MAGI2: variants seen among roughly 807,000 people sequenced by gnomAD.
The protein encoded by MAGI2 is membrane associated guanylate kinase, WW and PDZ domain containing 2, also known as membrane-associated guanylate kinase, WW and PDZ domain-containing protein 2.
MAGI2 carries 35 observed loss-of-function variants against 133.3 expected under a neutral mutation model. The ratio of observed to expected loss-of-function variants is 0.26; its 90% CI spans 0.20 to 0.35. The LOEUF (loss-of-function observed/expected upper bound fraction) is 0.35. MAGI2 is among the 10% of genes least tolerant of loss of function. MAGI2 has a pLI of 1.00. For missense variants in MAGI2, 1,636 were observed against 1,863.4 expected (o/e 0.88, Z 2.25); for synonymous variants, 729 against 710.6 (o/e 1.03, Z -0.41).
At chr7:79,251,396 A>G (rs1323708931) in intron 1 of MAGI2, among the ~76,000 whole-genome samples, 1 of 152,104 alleles carries the variant, frequency 6.6e-6, no homozygotes, top group Non-Finnish European at 1.5e-5. Context: ...ATAGAAAAAA[A>G]CTCATAATCC....
chr7:78,176,791 T>A (rs766077001), intron 14 of MAGI2, among the ~76,000 whole-genome samples: 1 of 151,920 alleles, frequency 6.6e-6, no homozygotes, highest in Non-Finnish European at 1.5e-5. Flanking sequence ...GAGACTGCAG[T>A]GAGCTGTGAT....
chr7:78,073,081 T>C (rs999318767), intron 21 of MAGI2: 6 of 396,902 alleles, frequency 1.5e-5, no homozygotes, highest in Middle Eastern at 6.2e-4. Flanking sequence ...AACTTACTGA[T>C]TAAAGGAAGA....
chr7:79,364,812 A>G (rs889475003), intron 1 of MAGI2, among the ~76,000 whole-genome samples: 2 of 152,172 alleles, frequency 1.3e-5, no homozygotes, highest in East Asian at 3.9e-4. Context: ...AATATAAAAC[A>G]AAAACACTTT....
intron 10 of MAGI2, among the ~76,000 whole-genome samples, chr7:78,237,913 A>T (rs1790723156): frequency 6.6e-6 from 1 of 152,180 alleles, no homozygotes; most frequent in Non-Finnish European, 1.5e-5. Flanking sequence ...TTTTTAAAAA[A>T]TTGAGTTTAC....
At chr7:78,922,417 C>T (rs1419680364) in intron 2 of MAGI2, among the ~76,000 whole-genome samples, 1 of 151,648 alleles carries the variant, frequency 6.6e-6, no homozygotes, top group East Asian at 2.0e-4. Flanking sequence ...TGTTCAATTC[C>T]CACCTATGAG....
chr7:79,199,095 ACTAT>A (rs1347152468), intron 1 of MAGI2, among the ~76,000 whole-genome samples: 3 of 152,002 alleles, frequency 2.0e-5, no homozygotes, highest in Non-Finnish European at 2.9e-5. Context: ...AAATCCACAA[ACTAT>A]CTAATTTAAT....
At chr7:78,577,074 T>C (rs1468837602) in intron 3 of MAGI2, among the ~76,000 whole-genome samples, 1 of 152,216 alleles carries the variant, frequency 6.6e-6, no homozygotes, top group Admixed American at 6.5e-5. Flanking sequence ...TCCTCTTCTA[T>C]ACTTAACACC....
At chr7:79,248,049 T>G (rs1832948694) in intron 1 of MAGI2, among the ~76,000 whole-genome samples, 1 of 152,054 alleles carries the variant, frequency 6.6e-6, no homozygotes, top group Non-Finnish European at 1.5e-5. Flanking sequence ...AAATGAACTC[T>G]CTAATCTAAA....
chr7:78,212,666 G>A (rs975762693), intron 10 of MAGI2, among the ~76,000 whole-genome samples: 1 of 152,170 alleles, frequency 6.6e-6, no homozygotes, highest in Non-Finnish European at 1.5e-5. Flanking sequence ...TATTATGGTA[G>A]CAGTAGCAAA....
intron 2 of MAGI2, among the ~76,000 whole-genome samples, chr7:78,853,654 C>A (rs932375260): frequency 5.3e-5 from 8 of 152,012 alleles, no homozygotes; most frequent in Non-Finnish European, 1.5e-5. Flanking sequence ...CCATGTCTGG[C>A]CCATTCTTGA....
chr7:79,091,984 T>C (rs1299850416), intron 1 of MAGI2, among the ~76,000 whole-genome samples: 1 of 152,084 alleles, frequency 6.6e-6, no homozygotes, highest in Non-Finnish European at 1.5e-5. Context: ...ACCATGGTAC[T>C]AAATTTTATT....
At chr7:78,861,696 T>G (rs1318147940) in intron 2 of MAGI2, among the ~76,000 whole-genome samples, 1 of 152,236 alleles carries the variant, frequency 6.6e-6, no homozygotes, top group Non-Finnish European at 1.5e-5. Flanking sequence ...TTCACATGAT[T>G]GTTTTAAGGA....
At chr7:79,097,512 G>A (rs949978994) in intron 1 of MAGI2, among the ~76,000 whole-genome samples, 1 of 152,154 alleles carries the variant, frequency 6.6e-6, no homozygotes, top group African/African-American at 2.4e-5. Context: ...CAAGAAAAAG[G>A]CAGAGAGTGG....
At chr7:78,646,403 A>G (rs1275672149) in intron 2 of MAGI2, among the ~76,000 whole-genome samples, 1 of 152,152 alleles carries the variant, frequency 6.6e-6, no homozygotes, top group Non-Finnish European at 1.5e-5. Flanking sequence ...AAAAAATTGT[A>G]TTTAGGAATA....
chr7:78,363,334 A>T (rs147651878), intron 7 of MAGI2, among the ~76,000 whole-genome samples: 2,249 of 152,248 alleles, frequency 0.015, 52 homozygotes, highest in African/African-American at 0.051. Flanking sequence ...TCTACTAAAA[A>T]TACAAAAAAT....
intron 1 of MAGI2, among the ~76,000 whole-genome samples, chr7:79,045,397 A>G (rs972758195): frequency 3.3e-5 from 5 of 152,170 alleles, no homozygotes; most frequent in African/African-American, 4.8e-5. Context: ...AATTTTAAAC[A>G]TTTACTTATA....
At chr7:78,111,471 T>C (rs953522890) in intron 20 of MAGI2, among the ~76,000 whole-genome samples, 1 of 152,344 alleles carries the variant, frequency 6.6e-6, no homozygotes, top group East Asian at 1.9e-4. Context: ...TGGTTCAAAG[T>C]TGGGCATCTA....
chr7:78,279,711 TGTGTGTGTGTG>T (rs1490932093), intron 9 of MAGI2, among the ~76,000 whole-genome samples: 6 of 151,978 alleles, frequency 3.9e-5, no homozygotes, highest in African/African-American at 7.3e-5. Context: ...TGTCTGTGCA[TGTGTGTGTGTG>T]GTGTGTGTTG....
chr7:78,620,778 A>G (rs1807649690), intron 3 of MAGI2, among the ~76,000 whole-genome samples: 1 of 152,052 alleles, frequency 6.6e-6, no homozygotes, highest in Admixed American at 6.6e-5. Context: ...TAAAGAAAAC[A>G]TTTAACTCTA....
Sources: allele counts gnomAD v4.1 joint callset (sites outside exome capture counted in the v4.1 genomes callset), GRCh38; gene constraint gnomAD v4.1.1; transcripts MANE v1.5; gene names NCBI Gene and HGNC (gene_info 2026-07-23, HGNC 2026-07-21).